ASTN2: variants seen among roughly 807,000 people sequenced by gnomAD.
The protein encoded by ASTN2 is astrotactin-2.
ASTN2 carries 54 observed loss-of-function variants against 139.8 expected under a neutral mutation model. The ratio of observed to expected loss-of-function variants is 0.39; its 90% CI spans 0.31 to 0.48. The LOEUF is 0.48. Among genes scored for constraint, ASTN2 ranks in the 20% least tolerant of loss-of-function variants. The pLI is 0.95. For missense variants in ASTN2, 1,565 were observed against 1,725.1 expected, an observed-to-expected ratio of 0.91 and a Z score of 1.64; for synonymous variants, 756 against 719.5, an observed-to-expected ratio of 1.05 and a Z score of -0.81.
At chr9:117,146,288 C>G (rs58662798) in intron 3 of ASTN2, among the ~76,000 whole-genome samples, 1 of 152,026 alleles carries the variant, frequency 6.6e-6, no homozygotes, top group African/African-American at 2.4e-5. Context: ...GCTGCTTGAT[C>G]TGAGCATCGC....
intron 1 of ASTN2, among the ~76,000 whole-genome samples, chr9:117,392,381 A>G (rs1830563760): frequency 6.6e-6 from 1 of 152,192 alleles, no homozygotes; most frequent in Non-Finnish European, 1.5e-5. Context: ...TCTGGAAGCA[A>G]ATTTAAATCT....
chr9:116,695,402 A>G (rs803934), intron 16 of ASTN2, among the ~76,000 whole-genome samples: 116,767 of 152,192 alleles, frequency 0.77, 45,410 homozygotes, highest in African/African-American at 0.89. Context: ...AGGAAGGATT[A>G]ACTTTAGATA....
chr9:116,724,043 G>A (rs1237438066), intron 16 of ASTN2, among the ~76,000 whole-genome samples: 3 of 152,158 alleles, frequency 2.0e-5, no homozygotes, highest in East Asian at 3.9e-4. Flanking sequence ...AGAAAGTCAA[G>A]TCTAAAGTCT....
chr9:116,440,186 C>CA (rs1037525364), intron 22 of ASTN2, among the ~76,000 whole-genome samples: 9 of 152,184 alleles, frequency 5.9e-5, no homozygotes, highest in African/African-American at 2.2e-4. Flanking sequence ...GGACTTTAGT[C>CA]AAAATCATAG....
chr9:116,609,149 G>C (rs990099361), intron 19 of ASTN2, among the ~76,000 whole-genome samples: 2 of 151,662 alleles, frequency 1.3e-5, no homozygotes, highest in African/African-American at 2.4e-5. Context: ...AATGGCGGGA[G>C]ATTTTTTAAA....
rs140598087 is a variant in ASTN2, at chr9:116,429,332, T to TCTC, written c.3783-3245_3783-3244insGAG. 0.019 allele frequency among the ~76,000 whole-genome samples: 1,833 copies of TCTC among 97,206 alleles called. 171 individuals carry two copies. In the South Asian group the frequency reaches 0.29, roughly 16 times the overall value. The allele number at this position is 97,206 out of a possible 152,430, so 63.8% of individuals were successfully genotyped here. ...CCAGCCTGGGCAACAATAGCGAAAC[T>TCTC]CTATCTGAAAAAAAAAAAAAAAAAA... On this transcript the variant is annotated intron_variant, in intron 22 of 22. Coordinates refer to ENST00000313400, the MANE Select transcript of ASTN2 (RefSeq NM_001365068.1).
chr9:116,969,838 T>C (rs1468737538), intron 10 of ASTN2, among the ~76,000 whole-genome samples: 2 of 152,144 alleles, frequency 1.3e-5, no homozygotes, highest in South Asian at 4.1e-4. Flanking sequence ...CCTAATTTAG[T>C]AGGTATATTA....
Position 116,651,795 on chromosome 9 carries a change from T to C in ASTN2, c.2807-2A>G. 6.2e-7 allele frequency: 1 copy of C among 1,612,364 alleles called. No individual in the cohort carries two copies. Among genetic ancestry groups the C allele is most frequent in the Non-Finnish European group, 8.5e-7 (1 of 1,178,600 alleles). On this transcript the variant is annotated splice_acceptor_variant, in intron 16 of 22. Coordinates refer to ENST00000313400, the MANE Select transcript of ASTN2 (RefSeq NM_001365068.1). LOFTEE classifies it high-confidence loss of function. Reference sequence around the variant, plus strand: ...TCTTGCTGCCCAGCTCTGTGGTCTCTGGAGAGGCACAAGACAGGAAGAGCG... The same window carrying C: ...TCTTGCTGCCCAGCTCTGTGGTCTCCGGAGAGGCACAAGACAGGAAGAGCG...
intron 16 of ASTN2, among the ~76,000 whole-genome samples, chr9:116,723,566 C>A (rs1381754584): frequency 6.6e-6 from 1 of 152,172 alleles, no homozygotes; most frequent in Non-Finnish European, 1.5e-5. Flanking sequence ...TAGCAGATGG[C>A]AGTGACACAT....
intron 1 of ASTN2, among the ~76,000 whole-genome samples, chr9:117,404,649 C>A (rs1830929431): frequency 6.6e-6 from 1 of 152,098 alleles, no homozygotes; most frequent in South Asian, 2.1e-4. Context: ...AAAAATTTGA[C>A]AAGGTTGAGC....
intron 1 of ASTN2, 75 bp from the exon 2 acceptor site, chr9:117,291,588 A>G (rs1216850494): frequency 1.0e-5 from 14 of 1,403,414 alleles, no homozygotes; most frequent in Non-Finnish European, 1.4e-5. Context: ...AAGAGCCCAC[A>G]TAATCAGGAG....
chr9:117,238,670 A>T (rs1448239958), intron 2 of ASTN2, among the ~76,000 whole-genome samples: 1 of 152,130 alleles, frequency 6.6e-6, no homozygotes, highest in Non-Finnish European at 1.5e-5. Flanking sequence ...GATGTCACTG[A>T]CTTTCACTGA....
intron 19 of ASTN2, among the ~76,000 whole-genome samples, chr9:116,543,316 C>T (rs73524136): frequency 0.012 from 1,867 of 151,686 alleles, 33 homozygotes; most frequent in African/African-American, 0.043. Flanking sequence ...GTGTGACTGC[C>T]GTCCCAGCTA....
At chr9:116,962,827 G>GTTATAGAGAC (rs1491340769) in intron 10 of ASTN2, among the ~76,000 whole-genome samples, 1 of 152,204 alleles carries the variant, frequency 6.6e-6, no homozygotes, top group Admixed American at 6.5e-5. Flanking sequence ...TGATGGTAGA[G>GTTATAGAGAC]TGTTTATAGG....
At chr9:117,219,495 C>T (rs1452076765) in intron 2 of ASTN2, among the ~76,000 whole-genome samples, 1 of 152,096 alleles carries the variant, frequency 6.6e-6, no homozygotes, top group African/African-American at 2.4e-5. Context: ...AAGCTGAGAC[C>T]CTGCTGGCCT....
chr9:117,414,823 AG>A lies in ASTN2; in HGVS notation c.115del (p.Leu39CysfsTer27). The A allele has an allele frequency of 8.3e-7, 1 of 1,200,272 alleles. No homozygotes were observed. Among genetic ancestry groups the A allele is most frequent in the Non-Finnish European group, 1.0e-6 (1 of 966,338 alleles). 74.4% of individuals were successfully genotyped at this position (1,200,272 alleles called of 1,614,324 possible). A position where few individuals can be genotyped will look rare whatever the true frequency, so the allele number is the denominator to read the frequency against. On this transcript the variant is annotated frameshift_variant, in exon 1 of 23. Coordinates refer to ENST00000313400, the MANE Select transcript of ASTN2 (RefSeq NM_001365068.1). LOFTEE classifies it high-confidence loss of function. This position sits in a 1 kb window ranked among gnomAD's most constrained non-coding sequence, Gnocchi z 4.2. ...PPLLPLLLLF[L>X]LLLPPPPLLA... ...CAGCGGCGGCGGCGGCAGCAGGAGC[AG>A]GAACAGCAGCAGCAGCGGCAGCAGT...
intron 5 of ASTN2, among the ~76,000 whole-genome samples, chr9:117,062,030 G>A (rs1839308942): frequency 6.6e-6 from 1 of 152,204 alleles, no homozygotes; most frequent in Non-Finnish European, 1.5e-5. Context: ...CCATATAGCT[G>A]GTAAGTGGTG....
chr9:116,833,538 T>C (rs185204621), intron 11 of ASTN2, among the ~76,000 whole-genome samples: 79 of 152,192 alleles, frequency 5.2e-4, no homozygotes, highest in African/African-American at 1.8e-3. Context: ...TCCTTCTCAT[T>C]GAATATAAAG....
intron 2 of ASTN2, among the ~76,000 whole-genome samples, chr9:117,282,649 C>T (rs1295174555): frequency 1.5e-5 from 2 of 134,984 alleles, no homozygotes; most frequent in Non-Finnish European, 2.9e-5. Flanking sequence ...AGAGAACCCA[C>T]ATCTGAGCAT....
Sources: gnomAD v4.1 joint callset for allele counts (sites outside exome capture counted in the v4.1 genomes callset) on GRCh38, gnomAD v4.1.1 for gene constraint, Gnocchi (gnomAD v3.1) non-coding constraint, MANE v1.5 for transcripts, NCBI Gene and HGNC (gene_info 2026-07-23, HGNC 2026-07-21) for gene names.